Variants in CA10 observed in about 807,000 individuals in gnomAD.
CA10 encodes the protein carbonic anhydrase-related protein 10.
A neutral mutation model predicts 44.2 loss-of-function variants in CA10; 14 were observed. The ratio of observed to expected loss-of-function variants is 0.32; its 90% CI spans 0.21 to 0.50. The LOEUF (loss-of-function observed/expected upper bound fraction) is 0.50. Ranked by LOEUF, CA10 falls within the 20% of genes least tolerant of loss-of-function variation. CA10 has a pLI of 0.99. For synonymous variants in CA10, 159 were observed against 141.6 expected (o/e 1.12, Z -0.87); for missense variants, 350 against 409.7 (o/e 0.85, Z 1.26).
intron 3 of CA10, among the ~76,000 whole-genome samples, chr17:51,845,281 G>T (rs934766619): frequency 6.6e-6 from 1 of 152,170 alleles, no homozygotes; most frequent in African/African-American, 2.4e-5. Context: ...TGATATAAAG[G>T]CACTGCGGCT....
chr17:52,110,241 C>A (rs1041107372), intron 1 of CA10, among the ~76,000 whole-genome samples: 2 of 152,184 alleles, frequency 1.3e-5, no homozygotes, highest in Admixed American at 6.5e-5. Flanking sequence ...CATTTGCTTT[C>A]TCTGCCTGTT....
chr17:51,893,150 T>C (rs1980931348), intron 3 of CA10, among the ~76,000 whole-genome samples: 1 of 152,052 alleles, frequency 6.6e-6, no homozygotes, highest in African/African-American at 2.4e-5. Context: ...ATAATCAAAA[T>C]ACATAAACAA....
At chr17:52,071,786 G>C (rs972176785) in intron 2 of CA10, among the ~76,000 whole-genome samples, 2 of 152,138 alleles carry the variant, frequency 1.3e-5, no homozygotes, top group Non-Finnish European at 2.9e-5. Flanking sequence ...AGGAGACACA[G>C]GGACCCTCCA....
rs1982628073 is a variant in CA10 at position 51,930,849 on chromosome 17, T to C, written c.279+141A>G. ...AGCACAATTTAGACATATTTCTATC[T>C]AATGGCGGCAGGTCTGAAGTCTGTG... is the stretch of plus-strand genomic sequence containing the variant. On this transcript the variant is annotated intron_variant, in intron 3 of 8. Coordinates refer to ENST00000451037, the MANE Select transcript of CA10 (RefSeq NM_020178.5). 14 of 940,042 alleles carry C rather than the reference T, an allele frequency of 1.5e-5. No individual in the cohort carries two copies. In the South Asian group the frequency reaches 2.3e-4, roughly 15 times the overall value. 58.2% of individuals were successfully genotyped at this position (940,042 alleles called of 1,614,324 possible).
chr17:51,692,882 A>G (rs1915265790), intron 4 of CA10, among the ~76,000 whole-genome samples: 1 of 152,186 alleles, frequency 6.6e-6, no homozygotes, highest in South Asian at 2.1e-4. Context: ...AGCAGCCATC[A>G]CTGGTTTTGG....
At chr17:52,122,316 A>C (rs1989030639) in intron 1 of CA10, among the ~76,000 whole-genome samples, 1 of 152,204 alleles carries the variant, frequency 6.6e-6, no homozygotes, top group South Asian at 2.1e-4. Context: ...CAAATATCAA[A>C]ATTTTAAATA....
chr17:51,684,790 T>A (rs1914955032), intron 4 of CA10, among the ~76,000 whole-genome samples: 2 of 152,206 alleles, frequency 1.3e-5, no homozygotes, highest in African/African-American at 4.8e-5. Context: ...ATAAATGGAT[T>A]CTTTGATTAT....
At chr17:51,661,366 T>A (rs1479914730) in intron 4 of CA10, among the ~76,000 whole-genome samples, 2 of 152,220 alleles carry the variant, frequency 1.3e-5, no homozygotes, top group Non-Finnish European at 2.9e-5. Flanking sequence ...AGGTTATCTC[T>A]AATGGGAACC....
intron 4 of CA10, among the ~76,000 whole-genome samples, chr17:51,657,772 A>G (rs1166891853): frequency 1.3e-5 from 2 of 152,228 alleles, no homozygotes; most frequent in African/African-American, 2.4e-5. Context: ...CAGATGATCA[A>G]TAAGTGATTG....
At chr17:51,719,638 G>T (rs187834353) in intron 4 of CA10, among the ~76,000 whole-genome samples, 10 of 152,170 alleles carry the variant, frequency 6.6e-5, no homozygotes, top group Admixed American at 6.5e-4. Flanking sequence ...TGAAATCCCA[G>T]CACTTTGAGA....
At position 51,773,869 on chromosome 17, in the gene CA10, G is replaced by T. The variant is rs372752278; in HGVS notation, c.280-26051C>A. Among the ~76,000 whole-genome samples the T allele has an allele frequency of 3.3e-5, 5 of 152,162 alleles. No homozygotes were observed. In the East Asian group the frequency reaches 9.6e-4, roughly 29 times the overall value. ...CTACTTGCAACACAAAGCAAATCAAGTTGGCTCGGTTGCTGGTAGACAGAC... is the reference window on the plus strand; with the variant it reads ...CTACTTGCAACACAAAGCAAATCAATTTGGCTCGGTTGCTGGTAGACAGAC... On this transcript the variant is annotated intron_variant, in intron 3 of 8. Coordinates refer to ENST00000451037, the MANE Select transcript of CA10 (RefSeq NM_020178.5).
At chr17:51,862,764 C>G (rs1477672126) in intron 3 of CA10, among the ~76,000 whole-genome samples, 1 of 150,542 alleles carries the variant, frequency 6.6e-6, no homozygotes, top group Non-Finnish European at 1.5e-5. Context: ...TTTTTTTTCT[C>G]TGTGTGTTTG....
chr17:51,772,551 T>C (rs973112845), intron 3 of CA10, among the ~76,000 whole-genome samples: 7 of 151,900 alleles, frequency 4.6e-5, no homozygotes, highest in African/African-American at 1.5e-4. Context: ...CAAATGGGAA[T>C]GATGGAAAGA....
intron 8 of CA10, 70 bp from the exon 9 acceptor site, chr17:51,631,676 C>T: frequency 3.0e-6 from 4 of 1,346,736 alleles, no homozygotes; most frequent in Admixed American, 1.7e-5. Context: ...AATTAATTTG[C>T]ACACAGTTTT....
chr17:51,837,417 C>T (rs1175468323), intron 3 of CA10, among the ~76,000 whole-genome samples: 1 of 152,164 alleles, frequency 6.6e-6, no homozygotes, highest in African/African-American at 2.4e-5. Flanking sequence ...GGATTAAGTA[C>T]ATAAAATTTC....
intron 3 of CA10, among the ~76,000 whole-genome samples, chr17:51,857,306 A>G (rs1979091007): frequency 6.6e-6 from 1 of 152,198 alleles, no homozygotes; most frequent in African/African-American, 2.4e-5. Flanking sequence ...CATAATCTGC[A>G]TATCATGGCA....
At chr17:51,656,934 G>C (rs1913816855) in intron 4 of CA10, among the ~76,000 whole-genome samples, 1 of 152,184 alleles carries the variant, frequency 6.6e-6, no homozygotes, top group Admixed American at 6.6e-5. Flanking sequence ...TTGGAAAACA[G>C]GCTGAGTCCA....
At chr17:51,664,023 AAGAGTTTGTCCCATG>A (rs1212158394) in intron 4 of CA10, among the ~76,000 whole-genome samples, 3 of 152,160 alleles carry the variant, frequency 2.0e-5, no homozygotes, top group Non-Finnish European at 2.9e-5. Flanking sequence ...ATTTCTGTGG[AAGAGTTTGTCCCATG>A]AGAACCACTG....
At chr17:51,810,847 C>T (rs748880649) in intron 3 of CA10, among the ~76,000 whole-genome samples, 6 of 152,186 alleles carry the variant, frequency 3.9e-5, no homozygotes, top group Non-Finnish European at 5.9e-5. Flanking sequence ...TAAATATTTT[C>T]TCCAACCACA....
Sources: allele counts gnomAD v4.1 joint callset (sites outside exome capture counted in the v4.1 genomes callset), GRCh38; gene constraint gnomAD v4.1.1; transcripts MANE v1.5; gene names NCBI Gene and HGNC (gene_info 2026-07-23, HGNC 2026-07-21).